HNRNPUL1: variants seen among roughly 807,000 people sequenced by gnomAD.
HNRNPUL1 encodes the protein heterogeneous nuclear ribonucleoprotein U like 1.
Under a neutral mutation model 108.5 loss-of-function variants are expected in HNRNPUL1, and 14 were observed. That is an observed-to-expected ratio of 0.13 (90% CI 0.09 to 0.20). The LOEUF is 0.20. HNRNPUL1 is among the 10% of genes least tolerant of loss of function. HNRNPUL1 has a pLI of 1.00. For missense variants in HNRNPUL1, 804 were observed against 1,168.3 expected, an observed-to-expected ratio of 0.69 and a Z score of 4.55; for synonymous variants, 422 against 445.2, an observed-to-expected ratio of 0.95 and a Z score of 0.66.
At position 41,272,199 on chromosome 19, in the gene HNRNPUL1, G is replaced by C. The variant is rs140550135; in HGVS notation, c.536G>C (p.Arg179Pro). 1 of 1,613,978 alleles carries C rather than the reference G, an allele frequency of 6.2e-7. No homozygotes were observed. The highest frequency in any genetic ancestry group is 8.5e-7 in the Non-Finnish European group (1 of 1,179,982). The stretch of plus-strand genomic sequence containing the variant: ...CGAAAGAGGCCTTATGAAGAAAACC[G>C]GGGACGGGGGTACTTTGAGCACCGA... The part of the protein sequence containing the change: ...QSRKRPYEEN[R>P]GRGYFEHRED... Residue 179 changes from arginine (R) to proline (P), a missense_variant, in exon 3 of 15, where the codon CGG becomes CCG. Physicochemically the swap from Arg to Pro is moderately radical, Grantham distance 103. This residue lies in a region of HNRNPUL1 where 256 missense variants were observed against 261.6 expected (regional missense o/e 0.98). Coordinates refer to ENST00000392006, the MANE Select transcript of HNRNPUL1 (RefSeq NM_007040.6).
At position 41,302,801 on chromosome 19, in the gene HNRNPUL1, C is replaced by G. The variant is rs762427636; in HGVS notation, c.1824C>G (p.Arg608=). Residue 608 remains arginine, a synonymous_variant, in exon 12 of 15, where the codon CGC becomes CGG. Transcript: ENST00000392006. The part of the protein sequence containing the change: ...GRKAGPPPEK[R]FDNRGGGGFR... ...AGGCTGGGCCACCCCCTGAAAAGCGCTTTGACAACCGAGGTGGTGGTGGCT... is the reference window on the plus strand; with the variant it reads ...AGGCTGGGCCACCCCCTGAAAAGCGGTTTGACAACCGAGGTGGTGGTGGCT... The G allele has an allele frequency of 6.2e-7, 1 of 1,609,450 alleles. No homozygotes were observed. Among genetic ancestry groups the G allele is most frequent in the South Asian group, 1.1e-5 (1 of 90,866 alleles).
intron 7 of HNRNPUL1, among the ~76,000 whole-genome samples, chr19:41,287,010 G>A (rs1373279681): frequency 6.7e-6 from 1 of 148,724 alleles, no homozygotes; most frequent in Non-Finnish European, 1.5e-5. Context: ...GAGCCACCGC[G>A]CCCAGTCGGT....
At chr19:41,299,518 A>G (rs530530103) in intron 10 of HNRNPUL1, among the ~76,000 whole-genome samples, 1 of 152,316 alleles carries the variant, frequency 6.6e-6, no homozygotes, top group African/African-American at 2.4e-5. Context: ...CTGGATAGTC[A>G]GTCCTGTAGG....
In HNRNPUL1 at chr19:41,270,593, CT is replaced by C. The variant is rs71177707; in HGVS notation, c.419-1469del. ...CCCCATGATGCCAACTCTCCCTTCC[CT>C]TTTTTTTTTTTTTTTTTTTGAGATG... is the stretch of plus-strand genomic sequence containing the variant. On this transcript the variant is annotated intron_variant, in intron 2 of 14. Transcript: ENST00000392006. Among the ~76,000 whole-genome samples, 276 of 118,810 alleles carry C rather than the reference CT, an allele frequency of 2.3e-3. No individual in the cohort carries two copies. In the Middle Eastern group the frequency reaches 0.03, roughly 13 times the overall value. 77.9% of individuals were successfully genotyped at this position (118,810 alleles called of 152,430 possible). A position where few individuals can be genotyped will look rare whatever the true frequency, so the allele number is the denominator to read the frequency against.
chr19:41,293,797 T>C (rs1052792811), intron 8 of HNRNPUL1, among the ~76,000 whole-genome samples: 21 of 152,110 alleles, frequency 1.4e-4, no homozygotes, highest in African/African-American at 4.8e-4. Context: ...TATAGGAGTT[T>C]GAGACCAGTC....
intron 14 of HNRNPUL1, 48 bp downstream of exon 14, chr19:41,305,915 C>T (rs1490358489): frequency 1.6e-6 from 2 of 1,279,700 alleles, no homozygotes; most frequent in Non-Finnish European, 2.2e-6. Flanking sequence ...TTCCATGGGC[C>T]CCTCCTGGGT....
chr19:41,272,496 G>T, intron 3 of HNRNPUL1: 1 of 380,244 alleles, frequency 2.6e-6, no homozygotes, highest in South Asian at 4.1e-5. Flanking sequence ...CAGCCTGCCT[G>T]TTCTGTCCTT....
In HNRNPUL1 at chr19:41,304,212, C is replaced by T; in HGVS notation, c.2213C>T (p.Ser738Leu). 12 of 1,613,768 alleles carry T rather than the reference C, an allele frequency of 7.4e-6. No individual in the cohort carries two copies. Among genetic ancestry groups the T allele is most frequent in the Non-Finnish European group, 1.0e-5 (12 of 1,179,788 alleles). ...AATAAGAACAGCAACATCCCTGGCTCAAGCGCCAATACCAGCACCCCCACC... is the reference window on the plus strand; with the variant it reads ...AATAAGAACAGCAACATCCCTGGCTTAAGCGCCAATACCAGCACCCCCACC... ...TYNKNSNIPG[S>L]SANTSTPTVS... Residue 738 changes from serine (S) to leucine (L), a missense_variant, in exon 13 of 15, where the codon TCA becomes TTA. Ser to Leu is a moderately radical substitution (Grantham distance 145). Around this residue, in one of 4 missense-constraint regions of HNRNPUL1, gnomAD observed 294 missense variants for 388.3 expected, o/e 0.76. Transcript: ENST00000392006.
chr19:41,282,905 G>C (rs1471333791), intron 7 of HNRNPUL1, among the ~76,000 whole-genome samples: 1 of 150,932 alleles, frequency 6.6e-6, no homozygotes, highest in Non-Finnish European at 1.5e-5. Flanking sequence ...CGTTTTAGCC[G>C]GGATGGTCTC....
intron 3 of HNRNPUL1, 138 bp downstream of exon 3, chr19:41,272,373 C>T (rs1457501637): frequency 1.2e-6 from 1 of 869,432 alleles, no homozygotes; most frequent in African/African-American, 1.7e-5. Context: ...CCTGTCCCTT[C>T]CCGTACTTGC....
Position 41,292,225 on chromosome 19 carries a change from C to G in HNRNPUL1, c.1000-20C>G. ...TATGGCAAGAGTTGGCAATCATATT[C>G]CTTTGGCTTTTTCTCCTAGGATTTT... is the stretch of plus-strand genomic sequence containing the variant. On this transcript the variant is annotated intron_variant, in intron 7 of 14. Transcript: ENST00000392006. The surrounding 1 kb of genome is among the most constrained non-coding windows in gnomAD (Gnocchi z 4.1). 6.2e-7 allele frequency: 1 copy of G among 1,612,356 alleles called. No individual in the cohort carries two copies. Among genetic ancestry groups the G allele is most frequent in the South Asian group, 1.1e-5 (1 of 91,032 alleles).
intron 14 of HNRNPUL1, 35 bp from the exon 15 acceptor site, chr19:41,306,414 C>A: frequency 6.8e-7 from 1 of 1,463,936 alleles, no homozygotes; most frequent in Non-Finnish European, 9.3e-7. Context: ...GTGGTGGATG[C>A]AGGACAACTT....
At chr19:41,265,043 G>A in intron 1 of HNRNPUL1, 1 of 1,397,808 alleles carries the variant, frequency 7.2e-7, no homozygotes, top group Non-Finnish European at 9.2e-7. Context: ...GGACGGGGGT[G>A]GCGGGGAGGA....
In HNRNPUL1 at chr19:41,303,024, C is replaced by G. The variant is rs1005738769; in HGVS notation, c.1972+75C>G. The stretch of plus-strand genomic sequence containing the variant: ...GCTGGGCTTTGACTGCTTATTCAAT[C>G]AGCAACTGAAGTTTTCTGAGCTCCA... On this transcript the variant is annotated intron_variant, in intron 12 of 14. Coordinates refer to ENST00000392006, the MANE Select transcript of HNRNPUL1 (RefSeq NM_007040.6). 8 of 1,447,788 alleles carry G rather than the reference C, an allele frequency of 5.5e-6. No homozygotes were observed. The African/African-American group carries it at 9.9e-5, about 18-fold the overall frequency. The allele number at this position is 1,447,788 out of a possible 1,614,324, so 89.7% of individuals were successfully genotyped here.
At chr19:41,263,569 CTAGTTTCTA>C (rs766575279), upstream of HNRNPUL1, among the ~76,000 whole-genome samples, 2 of 152,196 alleles carry the variant, frequency 1.3e-5, no homozygotes, top group Non-Finnish European at 2.9e-5. Context: ...CGTTGTTAGT[CTAGTTTCTA>C]TAGCCAAACC....
rs748057397 is a variant in HNRNPUL1 at position 41,306,569 on chromosome 19, GT to G, written c.*5del. On this transcript the variant is annotated 3_prime_UTR_variant, in exon 15 of 15. Coordinates refer to ENST00000392006, the MANE Select transcript of HNRNPUL1 (RefSeq NM_007040.6). Reference sequence around the variant, plus strand: ...GGGTGGCACAAGTACACAGTAGCCAGTGTGACCCAGAGGCTCCCGGAGGCCC... The same window carrying G: ...GGGTGGCACAAGTACACAGTAGCCAGGTGACCCAGAGGCTCCCGGAGGCCC... The G allele has an allele frequency of 5.3e-6, 8 of 1,519,848 alleles. No individual in the cohort carries two copies. In the East Asian group the frequency reaches 1.5e-4, roughly 28 times the overall value. 94.1% of individuals were successfully genotyped at this position (1,519,848 alleles called of 1,614,324 possible).
chr19:41,306,653 C>G lies in HNRNPUL1; in HGVS notation c.*88C>G. 1 of 797,826 alleles carries G rather than the reference C, an allele frequency of 1.3e-6. No individual in the cohort carries two copies. Among genetic ancestry groups the G allele is most frequent in the Non-Finnish European group, 1.9e-6 (1 of 530,716 alleles). The allele number at this position is 797,826 out of a possible 1,614,324, so 49.4% of individuals were successfully genotyped here. On this transcript the variant is annotated 3_prime_UTR_variant, in exon 15 of 15. Transcript: ENST00000392006. ...CCCCTCCTCTGCCCCCGCCAGATCC[C>G]GTGGTGCTGGGGATGGGGTCATCCC...
At chr19:41,282,701 T>TC (rs898257251) in intron 7 of HNRNPUL1, among the ~76,000 whole-genome samples, 2 of 150,266 alleles carry the variant, frequency 1.3e-5, no homozygotes, top group Non-Finnish European at 3.0e-5. Context: ...TCTTTTTTTT[T>TC]TTTTTTGAGA....
In HNRNPUL1 at chr19:41,302,579, G is replaced by T. The variant is rs566596010; in HGVS notation, c.1688-86G>T. On this transcript the variant is annotated intron_variant, in intron 11 of 14. Transcript: ENST00000392006. ...TTCTTCACCTTCTCCCTTCTGGAAGGCCACTCTTCTGGGTGGAGGGGACCA... is the reference window on the plus strand; with the variant it reads ...TTCTTCACCTTCTCCCTTCTGGAAGTCCACTCTTCTGGGTGGAGGGGACCA... The T allele has an allele frequency of 1.7e-4, 253 of 1,511,464 alleles. 4 individuals are homozygous for T. The South Asian group carries it at 2.8e-3, about 16-fold the overall frequency. The allele number at this position is 1,511,464 out of a possible 1,614,324, so 93.6% of individuals were successfully genotyped here. A position where few individuals can be genotyped will look rare whatever the true frequency, so the allele number is the denominator to read the frequency against.
Sources: gnomAD v4.1 joint callset for allele counts (sites outside exome capture counted in the v4.1 genomes callset) on GRCh38, gnomAD v4.1.1 for gene constraint, gnomAD v4.1.1 regional missense constraint, Gnocchi (gnomAD v3.1) non-coding constraint, MANE v1.5 for transcripts, NCBI Gene and HGNC (gene_info 2026-07-23, HGNC 2026-07-21) for gene names.